PTH1R: variants seen among roughly 807,000 people sequenced by gnomAD.
PTH1R encodes parathyroid hormone/parathyroid hormone-related peptide receptor.
In PTH1R, 32 loss-of-function variants were observed where a neutral mutation model predicts 70.7. The observed-to-expected ratio is 0.45, with a 90% CI of 0.34 to 0.61. The LOEUF (loss-of-function observed/expected upper bound fraction) is 0.61, where lower values mean the gene tolerates loss of function less well. Ranked by LOEUF, PTH1R falls within the 20% of genes least tolerant of loss-of-function variation. PTH1R has a pLI of 0.01. For synonymous variants in PTH1R, 329 were observed against 324.8 expected (o/e 1.01, Z -0.14); for missense variants, 626 against 792.5 (o/e 0.79, Z 2.52).
At position 46,901,290 on chromosome 3, in the gene PTH1R, A is replaced by G; in HGVS notation, c.1050-124A>G. ...TGTGAGGGAGGCCTCAGGCCTGGCC[A>G]CACCCAGCACCCCTGCCCTGTGTCC... is the stretch of plus-strand genomic sequence containing the variant. On this transcript the variant is annotated intron_variant, in intron 11 of 15. Transcript: ENST00000449590. This position sits in a 1 kb window ranked among gnomAD's most constrained non-coding sequence, Gnocchi z 7.3. The G allele has an allele frequency of 7.4e-7, 1 of 1,352,654 alleles. No homozygotes were observed. The highest frequency in any genetic ancestry group is 2.0e-5 in the Admixed American group (1 of 50,742). The allele number at this position is 1,352,654 out of a possible 1,614,324, so 83.8% of individuals were successfully genotyped here. A position where few individuals can be genotyped will look rare whatever the true frequency, so the allele number is the denominator to read the frequency against.
In PTH1R at chr3:46,883,535, A is replaced by C; in HGVS notation, c.-25A>C. Reference sequence around the variant, plus strand: ...AGGGCCGGCGGCGGCGGCTGCCCCGAGGGACGCGGCCCTAGGCGGTGGCGA... The same window carrying C: ...AGGGCCGGCGGCGGCGGCTGCCCCGCGGGACGCGGCCCTAGGCGGTGGCGA... On this transcript the variant is annotated 5_prime_UTR_variant, in exon 3 of 16. Coordinates refer to ENST00000449590, the MANE Select transcript of PTH1R (RefSeq NM_000316.3). The surrounding 1 kb of genome is among the most constrained non-coding windows in gnomAD (Gnocchi z 6.4). 6.6e-7 allele frequency: 1 copy of C among 1,504,348 alleles called. No homozygotes were observed. Among genetic ancestry groups the C allele is most frequent in the Non-Finnish European group, 8.8e-7 (1 of 1,132,222 alleles). The allele number at this position is 1,504,348 out of a possible 1,614,324, so 93.2% of individuals were successfully genotyped here. A position where few individuals can be genotyped will look rare whatever the true frequency, so the allele number is the denominator to read the frequency against.
intron 3 of PTH1R, among the ~76,000 whole-genome samples, chr3:46,887,196 C>T (rs1343110362): frequency 6.6e-6 from 1 of 151,778 alleles, no homozygotes; most frequent in Admixed American, 6.6e-5. Flanking sequence ...ACCGAGATCA[C>T]GCTGCTGCAC....
chr3:46,903,405 C>G lies in PTH1R; in HGVS notation c.1531C>G (p.Arg511Gly), dbSNP rs1575526869. 1.9e-6 allele frequency: 3 copies of G among 1,613,342 alleles called. No individual in the cohort carries two copies. Among genetic ancestry groups the G allele is most frequent in the Non-Finnish European group, 2.5e-6 (3 of 1,179,772 alleles). ...CACAAGTGTGACCAATGTCGGCCCCCGTGTGGGACTCGGCCTGCCCCTCAG... is the reference window on the plus strand; with the variant it reads ...CACAAGTGTGACCAATGTCGGCCCCGGTGTGGGACTCGGCCTGCCCCTCAG... ...SHTSVTNVGP[R>G]VGLGLPLSPR... Residue 511 changes from arginine (R) to glycine (G), a missense_variant, in exon 16 of 16, where the codon CGT (arginine) becomes GGT (glycine). Coordinates refer to ENST00000449590, the MANE Select transcript of PTH1R (RefSeq NM_000316.3). This position sits in a 1 kb window ranked among gnomAD's most constrained non-coding sequence, Gnocchi z 4.4.
chr3:46,898,487 G>C lies in PTH1R; in HGVS notation c.638+15G>C. 1 of 1,613,188 alleles carries C rather than the reference G, an allele frequency of 6.2e-7. No homozygotes were observed. Reference sequence around the variant, plus strand: ...GCCTACTTTAGGTGGGCGGGGCGGGGCGAGAGGCGGCGGGACATGGTGGAG... The same window carrying C: ...GCCTACTTTAGGTGGGCGGGGCGGGCCGAGAGGCGGCGGGACATGGTGGAG... On this transcript the variant is annotated intron_variant, in intron 8 of 15. Transcript: ENST00000449590.
intron 10 of PTH1R, among the ~76,000 whole-genome samples, chr3:46,900,000 C>T (rs2032023538): frequency 6.6e-6 from 1 of 152,244 alleles, no homozygotes; most frequent in African/African-American, 2.4e-5. Context: ...GCTGCGCACT[C>T]CTCCCAGCCC....
chr3:46,897,759 A>AACAAAG, intron 5 of PTH1R, 96 bp from the exon 6 acceptor site: 1 of 1,187,408 alleles, frequency 8.4e-7, no homozygotes, highest in Non-Finnish European at 1.2e-6. Flanking sequence ...CAAAAACAAA[A>AACAAAG]ACAAACAAAC....
Position 46,903,753 on chromosome 3 carries a change from A to G in PTH1R, c.*97A>G. The G allele has an allele frequency of 1.3e-6, 2 of 1,531,428 alleles. No homozygotes were observed. Among genetic ancestry groups the G allele is most frequent in the Admixed American group, 4.1e-5 (2 of 48,994 alleles). 94.9% of individuals were successfully genotyped at this position (1,531,428 alleles called of 1,614,324 possible). On this transcript the variant is annotated 3_prime_UTR_variant, in exon 16 of 16. Transcript: ENST00000449590. This position sits in a 1 kb window ranked among gnomAD's most constrained non-coding sequence, Gnocchi z 4.4. ...TTTCCCACTCAGGGCTGGGGCCAAG[A>G]GGAAAAACAGGGAAAAAAAGAAAAA... is the stretch of plus-strand genomic sequence containing the variant.
Position 46,902,376 on chromosome 3 carries a change from AT to A in PTH1R, c.1212-149del. The A allele has an allele frequency of 9.3e-7, 1 of 1,074,824 alleles. No homozygotes were observed. Among genetic ancestry groups the A allele is most frequent in the Non-Finnish European group, 1.4e-6 (1 of 724,172 alleles). 66.6% of individuals were successfully genotyped at this position (1,074,824 alleles called of 1,614,324 possible). ...TTAGCACTTAGCCAGGACAGCAGCC[AT>A]GCAGGTGAACTGGGTTGTCCTCCCA... is the stretch of plus-strand genomic sequence containing the variant. On this transcript the variant is annotated intron_variant, in intron 13 of 15. Transcript: ENST00000449590. The surrounding 1 kb of genome is among the most constrained non-coding windows in gnomAD (Gnocchi z 5.4).
chr3:46,898,018 AG>A, intron 6 of PTH1R, 53 bp downstream of exon 6: 1 of 1,612,914 alleles, frequency 6.2e-7, no homozygotes, highest in East Asian at 2.2e-5. Context: ...ACTTGGAGCT[AG>A]GGGTTCAGTG....
At position 46,892,637 on chromosome 3, in the gene PTH1R, G is replaced by A. The variant is rs1339139568; in HGVS notation, c.76-1270G>A. 4.6e-6 allele frequency: 3 copies of A among 658,120 alleles called. No homozygotes were observed. The highest frequency in any genetic ancestry group is 5.7e-6 in the Non-Finnish European group (3 of 529,508). The allele number at this position is 658,120 out of a possible 1,614,324, so 40.8% of individuals were successfully genotyped here. A position where few individuals can be genotyped will look rare whatever the true frequency, so the allele number is the denominator to read the frequency against. On this transcript the variant is annotated intron_variant, in intron 3 of 15. Transcript: ENST00000449590. The surrounding 1 kb of genome is among the most constrained non-coding windows in gnomAD (Gnocchi z 5.2). ...CCCTGCAGCCAGGCTCTCTGACCCGGCCTGCCCGCCCCTCTCGCCGGTGCC... is the reference window on the plus strand; with the variant it reads ...CCCTGCAGCCAGGCTCTCTGACCCGACCTGCCCGCCCCTCTCGCCGGTGCC...
In PTH1R at chr3:46,902,752, T is replaced by A. The variant is rs553021639; in HGVS notation, c.1357T>A (p.Phe453Ile). ...TTCGAGACACCCCTCTTCACAGGGA[T>A]TTTTTGTCGCAATCATATACTGTTT... ...YEMLFNSFQG[F>I]FVAIIYCFCN... Residue 453 changes from phenylalanine to isoleucine, a missense_variant, in exon 15 of 16, where the codon TTT (phenylalanine) becomes ATT (isoleucine). Around this residue, in one of 3 missense-constraint regions of PTH1R, gnomAD observed 495 missense variants for 638.7 expected, o/e 0.77. Transcript: ENST00000449590. This position sits in a 1 kb window ranked among gnomAD's most constrained non-coding sequence, Gnocchi z 5.4. 2 of 1,613,718 alleles carry A rather than the reference T, an allele frequency of 1.2e-6. No homozygotes were observed. Among genetic ancestry groups the A allele is most frequent in the Non-Finnish European group, 1.7e-6 (2 of 1,179,998 alleles).
At chr3:46,899,569 ACAG>A (rs2031992295) in intron 10 of PTH1R, 113 bp downstream of exon 10, 1 of 1,371,310 alleles carries the variant, frequency 7.3e-7, no homozygotes, top group Non-Finnish European at 9.9e-7. Context: ...CCCAAGTGGA[ACAG>A]CAGGAGAGAG....
At position 46,891,210 on chromosome 3, in the gene PTH1R, C is replaced by T. The variant is rs976277947; in HGVS notation, c.76-2697C>T. Reference sequence around the variant, plus strand: ...AGTCATGCGTGCTGGAAGCACATATCTTTCCCTCTCCTGAACATCCCAACT... The same window carrying T: ...AGTCATGCGTGCTGGAAGCACATATTTTTCCCTCTCCTGAACATCCCAACT... On this transcript the variant is annotated intron_variant, in intron 3 of 15. Transcript: ENST00000449590. This position sits in a 1 kb window ranked among gnomAD's most constrained non-coding sequence, Gnocchi z 4.3. Among the ~76,000 whole-genome samples, 4 of 152,386 alleles carry T rather than the reference C, an allele frequency of 2.6e-5. No individual in the cohort carries two copies. The highest frequency in any genetic ancestry group is 9.6e-5 in the African/African-American group (4 of 41,598).
chr3:46,885,269 G>A (rs986727440), intron 3 of PTH1R, among the ~76,000 whole-genome samples: 3 of 152,168 alleles, frequency 2.0e-5, no homozygotes, highest in African/African-American at 7.2e-5. Context: ...GCATGACTTG[G>A]AGGCGCAGTT....
chr3:46,901,080 C>T lies in PTH1R; in HGVS notation c.1044C>T (p.Asn348=), dbSNP rs905146680. 1 of 1,577,270 alleles carries T rather than the reference C, an allele frequency of 6.3e-7. No individual in the cohort carries two copies. ...TCAGTGTCAGAGCTACCCTGGCCAA[C>T]ACCGGGTAGGTCCAGGTGGAGAAGG... The part of the protein sequence containing the change: ...VWVSVRATLA[N]TGCWDLSSGN... Residue 348 remains asparagine, a synonymous_variant, in exon 11 of 16, where the codon AAC becomes AAT. Transcript: ENST00000449590. This position sits in a 1 kb window ranked among gnomAD's most constrained non-coding sequence, Gnocchi z 7.3.
chr3:46,887,152 A>T (rs2031087841), intron 3 of PTH1R, among the ~76,000 whole-genome samples: 1 of 151,982 alleles, frequency 6.6e-6, no homozygotes, highest in Non-Finnish European at 1.5e-5. Flanking sequence ...AGGCAGGAGA[A>T]TCGCTTGAAC....
rs567722808 is a variant in PTH1R, at chr3:46,878,742, G to A, written c.-106+899G>A. Among the ~76,000 whole-genome samples the A allele has an allele frequency of 1.2e-3, 180 of 152,222 alleles. 1 individual carries two copies. The highest frequency in any genetic ancestry group is 3.8e-3 in the African/African-American group (156 of 41,558). On this transcript the variant is annotated intron_variant, in intron 1 of 15. Coordinates refer to ENST00000449590, the MANE Select transcript of PTH1R (RefSeq NM_000316.3). Reference sequence around the variant, plus strand: ...GTACCTTGGCCAGAGCCCTACTCACGGTGGGATGGCTGCAGCAGAGGCCTG... The same window carrying A: ...GTACCTTGGCCAGAGCCCTACTCACAGTGGGATGGCTGCAGCAGAGGCCTG...
Position 46,898,438 on chromosome 3 carries a change from C to G in PTH1R, c.604C>G (p.Leu202Val). Residue 202 changes from leucine (L) to valine (V), a missense_variant, in exon 8 of 16, where the codon CTC becomes GTC. Leu to Val is a conservative substitution (Grantham distance 32). Coordinates refer to ENST00000449590, the MANE Select transcript of PTH1R (RefSeq NM_000316.3). Reference sequence around the variant, plus strand: ...GGGCTACTCCGTGTCCCTGGCGTCCCTCACCGTAGCTGTGCTCATCCTGGC... The same window carrying G: ...GGGCTACTCCGTGTCCCTGGCGTCCGTCACCGTAGCTGTGCTCATCCTGGC... ...TVGYSVSLAS[L>V]TVAVLILAYF... 2.5e-6 allele frequency: 4 copies of G among 1,614,074 alleles called. No homozygotes were observed. The highest frequency in any genetic ancestry group is 3.4e-6 in the Non-Finnish European group (4 of 1,180,012).
Position 46,884,638 on chromosome 3 carries a change from TG to T in PTH1R, c.75+1009del, listed in dbSNP as rs1308586466. 1.3e-5 allele frequency among the ~76,000 whole-genome samples: 2 copies of T among 152,138 alleles called. No individual in the cohort carries two copies. Among genetic ancestry groups the T allele is most frequent in the African/African-American group, 2.4e-5 (1 of 41,504 alleles). On this transcript the variant is annotated intron_variant, in intron 3 of 15. Transcript: ENST00000449590. This position sits in a 1 kb window ranked among gnomAD's most constrained non-coding sequence, Gnocchi z 4.8. ...AAAGCCTCTTCTCCCTGCTCCCCAG[TG>T]GGGGTATCTGCCTGCTAGAGAGCAG...
Sources: gnomAD v4.1 joint callset for allele counts (sites outside exome capture counted in the v4.1 genomes callset) on GRCh38, gnomAD v4.1.1 for gene constraint, gnomAD v4.1.1 regional missense constraint, Gnocchi (gnomAD v3.1) non-coding constraint, MANE v1.5 for transcripts, NCBI Gene and HGNC (gene_info 2026-07-23, HGNC 2026-07-21) for gene names.